BRD3: variants seen among roughly 807,000 people sequenced by gnomAD.
The protein encoded by BRD3 is bromodomain-containing protein 3.
BRD3 carries 17 observed loss-of-function variants against 66.8 expected under a neutral mutation model. The observed-to-expected ratio is 0.25, with a 90% CI of 0.17 to 0.38. The LOEUF (loss-of-function observed/expected upper bound fraction) is 0.38. Ranked by LOEUF, BRD3 falls within the 10% of genes least tolerant of loss-of-function variation. The pLI is 1.00. For missense variants in BRD3, 713 were observed against 956.1 expected (o/e 0.75, Z 3.35); for synonymous variants, 421 against 393.2 (o/e 1.07, Z -0.84).
intron 3 of BRD3, 136 bp from the exon 4 acceptor site, chr9:134,051,845 A>ATGTG (rs1554829347): frequency 1.4e-6 from 1 of 725,506 alleles, no homozygotes; most frequent in Non-Finnish European, 2.1e-6. Flanking sequence ...CAAAATGAAT[A>ATGTG]TATGTGTGTG....
At chr9:134,041,739 C>G (rs1195356217) in intron 8 of BRD3, 21 bp downstream of exon 8, 2 of 1,605,558 alleles carry the variant, frequency 1.2e-6, no homozygotes, top group African/African-American at 1.3e-5. Context: ...CTGAACCCCA[C>G]CCAAGCATGC....
At chr9:134,064,214 CAA>C (rs1255579021) in intron 1 of BRD3, among the ~76,000 whole-genome samples, 1 of 152,112 alleles carries the variant, frequency 6.6e-6, no homozygotes, top group Non-Finnish European at 1.5e-5. Flanking sequence ...GTGAATGGCC[CAA>C]AGTGACACTT....
Position 134,053,294 on chromosome 9 carries a change from G to A in BRD3, c.184C>T (p.Pro62Ser). Reference protein sequence around the residue: ...KHQFAWPFYQPVDAIKLNLPD... With the variant: ...KHQFAWPFYQSVDAIKLNLPD... ...AGGTTCAATTTGATTGCGTCCACGG[G>A]CTGGTAGAAGGGCCAGGCGAACTGG... Residue 62 changes from proline to serine, a missense_variant, in exon 2 of 12, where the codon CCC (proline) becomes TCC (serine). Physicochemically the swap from Pro to Ser is moderately conservative, Grantham distance 74. Coordinates refer to ENST00000303407, the MANE Select transcript of BRD3 (RefSeq NM_007371.4). 1 of 1,613,530 alleles carries A rather than the reference G, an allele frequency of 6.2e-7. No individual in the cohort carries two copies. Among genetic ancestry groups the A allele is most frequent in the South Asian group, 1.1e-5 (1 of 91,084 alleles).
At position 134,040,104 on chromosome 9, in the gene BRD3, G is replaced by C. The variant is rs1489021409; in HGVS notation, c.1573C>G (p.Pro525Ala). ...AEEEKKAKVA[P>A]PAKQAQQKKA... Reference sequence around the variant, plus strand: ...TTCTGCTGAGCCTGCTTGGCAGGCGGAGCCACCTTGGCCTTCTTCTCTTCC... The same window carrying C: ...TTCTGCTGAGCCTGCTTGGCAGGCGCAGCCACCTTGGCCTTCTTCTCTTCC... Residue 525 changes from proline to alanine, a missense_variant, in exon 9 of 12, where the codon CCG becomes GCG. This residue lies in a region of BRD3 where 418 missense variants were observed against 609.3 expected (regional missense o/e 0.69). Transcript: ENST00000303407. 5 of 1,581,628 alleles carry C rather than the reference G, an allele frequency of 3.2e-6. No individual in the cohort carries two copies. Among genetic ancestry groups the C allele is most frequent in the Non-Finnish European group, 2.6e-6 (3 of 1,164,916 alleles).
At chr9:134,052,800 GA>G (rs1469255695) in intron 2 of BRD3, among the ~76,000 whole-genome samples, 5 of 152,202 alleles carry the variant, frequency 3.3e-5, no homozygotes, top group Non-Finnish European at 7.3e-5. Context: ...CCAGCCCAGG[GA>G]TTCCTCTGCA....
rs1588283715 is a variant in BRD3, at chr9:134,045,818, CAA to C, written c.1087-399_1087-398del. ...AGCCCCAGGGGGCGTGAGGCTGCAG[CAA>C]AGTCAGACTCCACCAACAACAGGGG... On this transcript the variant is annotated intron_variant, in intron 6 of 11. Transcript: ENST00000303407. The surrounding 1 kb of genome is among the most constrained non-coding windows in gnomAD (Gnocchi z 4.8). 1.3e-5 allele frequency among the ~76,000 whole-genome samples: 2 copies of C among 152,308 alleles called. No individual in the cohort carries two copies. Among genetic ancestry groups the C allele is most frequent in the African/African-American group, 2.4e-5 (1 of 41,566 alleles).
intron 1 of BRD3, among the ~76,000 whole-genome samples, chr9:134,064,704 TACAA>T (rs900010526): frequency 1.3e-5 from 2 of 151,898 alleles, no homozygotes; most frequent in African/African-American, 2.4e-5. Flanking sequence ...CTACTAAAAA[TACAA>T]ACAAACAAAC....
chr9:134,036,139 T>C lies in BRD3; in HGVS notation c.1829A>G (p.Asn610Ser). Reference sequence around the variant, plus strand: ...AAAGTCAATTTCTATCTCGTCGGGGTTGGAGTCCCTGAGCGAGGGCTCCCG... The same window carrying C: ...AAAGTCAATTTCTATCTCGTCGGGGCTGGAGTCCCTGAGCGAGGGCTCCCG... ...QSREPSLRDSNPDEIEIDFET... is the reference protein window; with the variant it reads ...QSREPSLRDSSPDEIEIDFET... The change falls in exon 10 of 12, where the codon AAC becomes AGC. Residue 610 changes from asparagine (N) to serine (S), a missense_variant. Asn to Ser is a conservative substitution (Grantham distance 46, BLOSUM62 1). Coordinates refer to ENST00000303407, the MANE Select transcript of BRD3 (RefSeq NM_007371.4). 6.2e-7 allele frequency: 1 copy of C among 1,614,224 alleles called. No homozygotes were observed. Among genetic ancestry groups the C allele is most frequent in the Non-Finnish European group, 8.5e-7 (1 of 1,180,042 alleles).
chr9:134,036,656 A>G (rs1829922932), intron 9 of BRD3: 18 of 1,215,728 alleles, frequency 1.5e-5, no homozygotes, highest in Non-Finnish European at 2.2e-5. Context: ...ACACAGAGGA[A>G]AAAGAAAATA....
chr9:134,039,845 G>A (rs551355393), intron 9 of BRD3, among the ~76,000 whole-genome samples, 189 bp downstream of exon 9: 2 of 152,294 alleles, frequency 1.3e-5, no homozygotes, highest in South Asian at 2.1e-4. Flanking sequence ...GCAGACAACT[G>A]AGCAGCATCA....
chr9:134,046,711 G>A (rs892329849), intron 6 of BRD3, among the ~76,000 whole-genome samples: 4 of 152,232 alleles, frequency 2.6e-5, no homozygotes, highest in African/African-American at 7.2e-5. Flanking sequence ...CTTTTCCGCA[G>A]CGTCCGGGCC....
At chr9:134,051,748 G>C in intron 3 of BRD3, 39 bp from the exon 4 acceptor site, 1 of 1,567,124 alleles carries the variant, frequency 6.4e-7, no homozygotes, top group Non-Finnish European at 8.6e-7. Flanking sequence ...GTCAGGAAAG[G>C]AGCTGTGTGC....
In BRD3 at chr9:134,036,141, G is replaced by A. The variant is rs766035056; in HGVS notation, c.1827C>T (p.Ser609=). 3 of 1,614,120 alleles carry A rather than the reference G, an allele frequency of 1.9e-6. No individual in the cohort carries two copies. Among genetic ancestry groups the A allele is most frequent in the Non-Finnish European group, 2.5e-6 (3 of 1,180,050 alleles). The change falls in exon 10 of 12, where the codon TCC becomes TCT. Residue 609 remains serine, a synonymous_variant. Transcript: ENST00000303407. ...AGTCAATTTCTATCTCGTCGGGGTT[G>A]GAGTCCCTGAGCGAGGGCTCCCGAG... ...IQSREPSLRD[S]NPDEIEIDFE... is the part of the protein sequence containing the mutation.
At chr9:134,050,773 A>G (rs756625824) in intron 4 of BRD3, among the ~76,000 whole-genome samples, 185 bp from the exon 5 acceptor site, 5 of 151,992 alleles carry the variant, frequency 3.3e-5, no homozygotes, top group Non-Finnish European at 7.4e-5. Context: ...GGTCTGGCTC[A>G]TCTTGGCTGA....
At chr9:134,060,321 G>A (rs1830510299) in intron 1 of BRD3, among the ~76,000 whole-genome samples, 1 of 152,226 alleles carries the variant, frequency 6.6e-6, no homozygotes, top group Non-Finnish European at 1.5e-5. Flanking sequence ...CCCAGGCCAT[G>A]CGCAGTGACT....
rs1830146242 is a variant in BRD3 at position 134,045,398 on chromosome 9, G to A, written c.1110C>T (p.Tyr370=). The change falls in exon 7 of 12, where the codon TAC becomes TAT. Residue 370 remains tyrosine (Y), a synonymous_variant. Transcript: ENST00000303407. This position sits in a 1 kb window ranked among gnomAD's most constrained non-coding sequence, Gnocchi z 4.8. ...CAGCAGCAAAGCCCTGTGCGTCTGG[G>A]TACTCTCGGCCATCCATCTTCCTCT... is the stretch of plus-strand genomic sequence containing the variant. The part of the protein sequence containing the change: ...TVKRKMDGRE[Y]PDAQGFAADV... 2 of 1,613,590 alleles carry A rather than the reference G, an allele frequency of 1.2e-6. No individual in the cohort carries two copies. Among genetic ancestry groups the A allele is most frequent in the Admixed American group, 1.7e-5 (1 of 60,016 alleles).
intron 1 of BRD3, among the ~76,000 whole-genome samples, chr9:134,066,549 T>C (rs979315002): frequency 5.5e-5 from 7 of 127,920 alleles, no homozygotes; most frequent in African/African-American, 2.2e-4. Context: ...CCAGGCATAC[T>C]ACATGGACCC....
At chr9:134,048,773 C>T (rs996531080) in intron 5 of BRD3, among the ~76,000 whole-genome samples, 9 of 152,200 alleles carry the variant, frequency 5.9e-5, no homozygotes, top group African/African-American at 2.2e-4. Context: ...ACACCCCAAG[C>T]CATGTGAGGT....
chr9:134,031,454 G>A lies in BRD3; in HGVS notation c.*2136C>T, dbSNP rs1011848020. On this transcript the variant is annotated 3_prime_UTR_variant, in exon 12 of 12. Coordinates refer to ENST00000303407, the MANE Select transcript of BRD3 (RefSeq NM_007371.4). Reference sequence around the variant, plus strand: ...TGTCGTGTGTGAATTCCTTAAATTCGGTTTAAATAGTCCATTAAAGATCTG... The same window carrying A: ...TGTCGTGTGTGAATTCCTTAAATTCAGTTTAAATAGTCCATTAAAGATCTG... The A allele has an allele frequency of 2.0e-5, 4 of 203,472 alleles. No individual in the cohort carries two copies. The highest frequency in any genetic ancestry group is 4.0e-5 in the Non-Finnish European group (4 of 99,368). 12.6% of individuals were successfully genotyped at this position (203,472 alleles called of 1,614,324 possible).
Sources: allele counts gnomAD v4.1 joint callset (sites outside exome capture counted in the v4.1 genomes callset), GRCh38; gene constraint gnomAD v4.1.1; regional missense constraint gnomAD v4.1.1; non-coding constraint Gnocchi (gnomAD v3.1); transcripts MANE v1.5; gene names NCBI Gene and HGNC (gene_info 2026-07-23, HGNC 2026-07-21).